Variants in BPTF observed in about 807,000 individuals in gnomAD.
BPTF encodes the protein nucleosome-remodeling factor subunit BPTF.
In BPTF, 18 loss-of-function variants were observed where a neutral mutation model predicts 292.5. The ratio of observed to expected loss-of-function variants is 0.06; its 90% CI spans 0.04 to 0.09. The LOEUF is 0.09. Among genes scored for constraint, BPTF ranks in the 10% least tolerant of loss-of-function variants. BPTF has a pLI of 1.00. For missense variants in BPTF, 2,726 were observed against 3,498.7 expected (o/e 0.78, Z 5.57); for synonymous variants, 1,225 against 1,251.9 (o/e 0.98, Z 0.45).
chr17:67,933,691 T>C (rs190022981), intron 18 of BPTF, among the ~76,000 whole-genome samples: 1 of 152,220 alleles, frequency 6.6e-6, no homozygotes, highest in East Asian at 1.9e-4. Context: ...GAGAAATTAA[T>C]AGGAGCATAG....
chr17:67,930,779 A>T (rs1020527105), intron 17 of BPTF, among the ~76,000 whole-genome samples: 29 of 151,798 alleles, frequency 1.9e-4, no homozygotes, highest in African/African-American at 7.0e-4. Flanking sequence ...CCCCATCTCT[A>T]CTAAAAATAC....
In BPTF at chr17:67,912,279, C is replaced by A. The variant is rs770124718; in HGVS notation, c.4395C>A (p.Phe1465Leu). 1 of 1,613,614 alleles carries A rather than the reference C, an allele frequency of 6.2e-7. No individual in the cohort carries two copies. Among genetic ancestry groups the A allele is most frequent in the Admixed American group, 1.7e-5 (1 of 59,996 alleles). ...LTVKESAIRPFINGDVIMEDF... is the reference protein window; with the variant it reads ...LTVKESAIRPLINGDVIMEDF... ...TTAAAGAATCTGCTATAAGGCCATT[C>A]ATTAATGGTGATGTCATCATGGAAG... The change falls in exon 11 of 28, where the codon TTC becomes TTA. Residue 1465 changes from phenylalanine (F) to leucine (L), a missense_variant. Physicochemically the swap from Phe to Leu is conservative, Grantham distance 22. Transcript: ENST00000306378.
At chr17:67,853,394 T>C (rs2058526559) in intron 1 of BPTF, among the ~76,000 whole-genome samples, 1 of 152,152 alleles carries the variant, frequency 6.6e-6, no homozygotes, top group Admixed American at 6.6e-5. Context: ...GAGCCCATGC[T>C]TCGCTGTGGA....
intron 23 of BPTF, among the ~76,000 whole-genome samples, chr17:67,953,840 A>G (rs1214562700): frequency 3.9e-5 from 6 of 152,076 alleles, no homozygotes; most frequent in Non-Finnish European, 8.8e-5. Flanking sequence ...TCAGCCTCCC[A>G]AAGTGCTGGG....
At chr17:67,930,058 G>T (rs369465987) in intron 17 of BPTF, among the ~76,000 whole-genome samples, 1 of 150,668 alleles carries the variant, frequency 6.6e-6, no homozygotes, top group African/African-American at 2.4e-5. Flanking sequence ...GAAGGTTGCA[G>T]TGAGCTGAGA....
At chr17:67,943,587 T>C (rs1005591847) in intron 19 of BPTF, among the ~76,000 whole-genome samples, 28 of 152,152 alleles carry the variant, frequency 1.8e-4, no homozygotes, top group Admixed American at 9.8e-4. Flanking sequence ...ACACACCCCA[T>C]AGGTAATTTG....
chr17:67,865,253 T>C (rs929246470), intron 2 of BPTF, among the ~76,000 whole-genome samples: 37 of 152,242 alleles, frequency 2.4e-4, no homozygotes, highest in African/African-American at 8.7e-4. Flanking sequence ...TCCTTTTATT[T>C]ATCTGTGATT....
intron 18 of BPTF, among the ~76,000 whole-genome samples, chr17:67,938,352 A>G (rs2065091828): frequency 6.6e-6 from 1 of 152,172 alleles, no homozygotes; most frequent in African/African-American, 2.4e-5. Context: ...GGAGTTCTCA[A>G]ATTAAAGACC....
At position 67,918,849 on chromosome 17, in the gene BPTF, A is replaced by T. The variant is rs371723265; in HGVS notation, c.5428+11A>T. The T allele has an allele frequency of 3.7e-6, 6 of 1,611,286 alleles. No individual in the cohort carries two copies. In the African/African-American group the frequency reaches 8.0e-5, roughly 22 times the overall value. ...GGACTACACGGACAGGTAAGGGGGA[A>T]GGGAGTTATTTTCTAATTTAAGTTT... is the stretch of plus-strand genomic sequence containing the variant. On this transcript the variant is annotated intron_variant, in intron 12 of 27. Transcript: ENST00000306378.
At chr17:67,904,881 C>T (rs1468057871) in intron 9 of BPTF, 41 bp downstream of exon 9, 1 of 1,440,982 alleles carries the variant, frequency 6.9e-7, no homozygotes, top group Admixed American at 2.1e-5. Flanking sequence ...ATCGTTTCTG[C>T]TTTATATTTC....
chr17:67,914,172 C>G (rs2062833892), intron 11 of BPTF, among the ~76,000 whole-genome samples: 2 of 152,046 alleles, frequency 1.3e-5, no homozygotes, highest in Middle Eastern at 3.2e-3. Flanking sequence ...TCCCCTTAGG[C>G]TTCGTTTTTG....
chr17:67,921,434 G>A (rs1412078320), intron 13 of BPTF, among the ~76,000 whole-genome samples: 1 of 151,892 alleles, frequency 6.6e-6, no homozygotes, highest in African/African-American at 2.4e-5. Context: ...GGTGAGGCGG[G>A]AGAATCACTT....
intron 1 of BPTF, among the ~76,000 whole-genome samples, chr17:67,852,318 A>G (rs1041046684): frequency 1.3e-5 from 2 of 152,060 alleles, no homozygotes; most frequent in Non-Finnish European, 2.9e-5. Flanking sequence ...TACATGTATG[A>G]ATTATTTTTT....
At chr17:67,866,060 G>A (rs2059374922) in intron 2 of BPTF, among the ~76,000 whole-genome samples, 1 of 152,118 alleles carries the variant, frequency 6.6e-6, no homozygotes, top group African/African-American at 2.4e-5. Flanking sequence ...GTCTGAGTAC[G>A]CAGTGAACCA....
rs782179679 is a variant in BPTF at position 67,964,399 on chromosome 17, T to C, written c.8449T>C (p.Leu2817=). ...YEGLKRVLRS[L]QAHKMAWPFL... The stretch of plus-strand genomic sequence containing the variant: ...GGGGTTGAAGAGGGTGCTCCGTTCC[T>C]TACAGGTGAGACCCCTCTGTGTGCA... Residue 2817 remains leucine, a synonymous_variant, in exon 25 of 28, where the codon TTA becomes CTA. Transcript: ENST00000306378. The C allele has an allele frequency of 6.2e-7, 1 of 1,611,410 alleles. No homozygotes were observed. Among genetic ancestry groups the C allele is most frequent in the South Asian group, 1.1e-5 (1 of 90,996 alleles).
At chr17:67,953,951 C>T (rs1376043925) in intron 23 of BPTF, among the ~76,000 whole-genome samples, 5 of 75,372 alleles carry the variant, frequency 6.6e-5, no homozygotes, top group Non-Finnish European at 8.2e-5. Context: ...TTTTCTTTTT[C>T]TTTTCTTTTC....
At chr17:67,898,921 C>CAAAAAA (rs58991615) in intron 7 of BPTF, among the ~76,000 whole-genome samples, 1 of 80,016 alleles carries the variant, frequency 1.2e-5, no homozygotes, top group African/African-American at 4.7e-5. Flanking sequence ...TACCCTGTCT[C>CAAAAAA]AAAAAAAAAA....
chr17:67,865,443 G>A (rs2059340311), intron 2 of BPTF, among the ~76,000 whole-genome samples: 1 of 152,168 alleles, frequency 6.6e-6, no homozygotes, highest in African/African-American at 2.4e-5. Flanking sequence ...CTGCAGGCAG[G>A]TTTTATTATA....
chr17:67,858,265 C>T (rs2058838818), intron 2 of BPTF, among the ~76,000 whole-genome samples: 2 of 152,160 alleles, frequency 1.3e-5, no homozygotes, highest in Admixed American at 6.5e-5. Context: ...TAACTTTTTT[C>T]TTTTCTTGCT....
Sources: allele counts gnomAD v4.1 joint callset (sites outside exome capture counted in the v4.1 genomes callset), GRCh38; gene constraint gnomAD v4.1.1; transcripts MANE v1.5; gene names NCBI Gene and HGNC (gene_info 2026-07-23, HGNC 2026-07-21).